CAMK1D: variants seen among roughly 807,000 people sequenced by gnomAD.
The protein encoded by CAMK1D is calcium/calmodulin-dependent protein kinase type 1D.
CAMK1D carries 9 observed loss-of-function variants against 47.7 expected under a neutral mutation model. The ratio of observed to expected loss-of-function variants is 0.19; its 90% confidence interval spans 0.11 to 0.33. The LOEUF (loss-of-function observed/expected upper bound fraction) is 0.33, where lower values mean the gene tolerates loss of function less well. CAMK1D is among the 10% of genes least tolerant of loss of function. CAMK1D has a pLI of 1.00. For missense variants in CAMK1D, 291 were observed against 488.7 expected, an observed-to-expected ratio of 0.60 and a Z score of 3.81; for synonymous variants, 184 against 184.9, an observed-to-expected ratio of 0.99 and a Z score of 0.04.
At chr10:12,739,062 C>T (rs1394617165) in intron 3 of CAMK1D, among the ~76,000 whole-genome samples, 2 of 151,740 alleles carry the variant, frequency 1.3e-5, no homozygotes, top group African/African-American at 2.4e-5. Flanking sequence ...CATGGGGAAA[C>T]CTCGTTTCTG....
intron 1 of CAMK1D, among the ~76,000 whole-genome samples, chr10:12,477,872 C>G (rs1172298966): frequency 2.0e-5 from 3 of 152,162 alleles, no homozygotes; most frequent in Non-Finnish European, 4.4e-5. Context: ...TGTTGGATCC[C>G]ATGGAATCCC....
intron 1 of CAMK1D, among the ~76,000 whole-genome samples, chr10:12,457,189 G>A (rs1043528875): frequency 5.3e-5 from 8 of 152,064 alleles, no homozygotes; most frequent in Non-Finnish European, 8.8e-5. Context: ...TTGGGAGTTC[G>A]AGACCAGCCT....
chr10:12,376,741 T>C (rs567224527), intron 1 of CAMK1D, among the ~76,000 whole-genome samples: 7 of 150,144 alleles, frequency 4.7e-5, no homozygotes, highest in African/African-American at 7.4e-5. Context: ...TTAGTAACCA[T>C]TTTTTTTCTT....
chr10:12,377,203 A>T (rs906718805), intron 1 of CAMK1D, among the ~76,000 whole-genome samples: 12 of 148,962 alleles, frequency 8.1e-5, no homozygotes, highest in African/African-American at 2.5e-4. Context: ...CAAACAAATT[A>T]AAAAAAAAAT....
At chr10:12,608,221 C>G (rs565500238) in intron 2 of CAMK1D, among the ~76,000 whole-genome samples, 1 of 152,110 alleles carries the variant, frequency 6.6e-6, no homozygotes, top group Non-Finnish European at 1.5e-5. Context: ...GAGTTTGAGA[C>G]CAGCCTGGCC....
At chr10:12,618,212 G>C (rs1838883352) in intron 2 of CAMK1D, among the ~76,000 whole-genome samples, 1 of 151,892 alleles carries the variant, frequency 6.6e-6, no homozygotes, top group Non-Finnish European at 1.5e-5. Flanking sequence ...TAATGGACTT[G>C]CTAAATCTCT....
chr10:12,511,420 G>A (rs1221882409), intron 1 of CAMK1D, among the ~76,000 whole-genome samples: 2 of 152,122 alleles, frequency 1.3e-5, no homozygotes, highest in Non-Finnish European at 2.9e-5. Flanking sequence ...GGGCAACACA[G>A]AGAGACCCTG....
chr10:12,788,195 T>C (rs1837818339), intron 5 of CAMK1D, among the ~76,000 whole-genome samples: 3 of 135,300 alleles, frequency 2.2e-5, no homozygotes, highest in African/African-American at 8.0e-5. Flanking sequence ...TTTTTATTTA[T>C]GTATTTATTT....
At chr10:12,781,342 C>T (rs1020385676) in intron 5 of CAMK1D, among the ~76,000 whole-genome samples, 1 of 152,370 alleles carries the variant, frequency 6.6e-6, no homozygotes, top group Admixed American at 6.5e-5. Context: ...CCAGAAGGGC[C>T]GCACAGCAGT....
intron 3 of CAMK1D, among the ~76,000 whole-genome samples, chr10:12,757,798 G>T (rs1284216995): frequency 6.7e-6 from 1 of 150,180 alleles, no homozygotes; most frequent in Non-Finnish European, 1.5e-5. Flanking sequence ...TAAAGAGAGA[G>T]TTCTGGTCTC....
chr10:12,487,360 A>G (rs1350919035), intron 1 of CAMK1D, among the ~76,000 whole-genome samples: 1 of 152,188 alleles, frequency 6.6e-6, no homozygotes, highest in African/African-American at 2.4e-5. Flanking sequence ...GATTATTTCA[A>G]ATGAACTACC....
chr10:12,512,906 G>A (rs903829640), intron 1 of CAMK1D, among the ~76,000 whole-genome samples: 5 of 152,316 alleles, frequency 3.3e-5, no homozygotes, highest in African/African-American at 1.2e-4. Flanking sequence ...TAGATGGACC[G>A]GAGCGAGCAT....
intron 3 of CAMK1D, among the ~76,000 whole-genome samples, chr10:12,668,875 CT>C (rs1169117003): frequency 1.3e-5 from 2 of 151,908 alleles, no homozygotes; most frequent in African/African-American, 4.8e-5. Context: ...CTTCCCTGAG[CT>C]TTTTCTGTCA....
chr10:12,553,991 C>T (rs772645017), intron 2 of CAMK1D, among the ~76,000 whole-genome samples: 4 of 152,208 alleles, frequency 2.6e-5, no homozygotes, highest in Non-Finnish European at 5.9e-5. Context: ...ACAGACATGG[C>T]GCCTGGCACC....
intron 1 of CAMK1D, among the ~76,000 whole-genome samples, chr10:12,381,208 T>G (rs1838332829): frequency 6.6e-6 from 1 of 152,198 alleles, no homozygotes; most frequent in Non-Finnish European, 1.5e-5. Context: ...CTTATAAAGT[T>G]GTAGAATGAA....
chr10:12,740,762 G>GT (rs1287881155), intron 3 of CAMK1D, among the ~76,000 whole-genome samples: 1 of 152,110 alleles, frequency 6.6e-6, no homozygotes, highest in African/African-American at 2.4e-5. Flanking sequence ...TCTCTGTTTT[G>GT]TTTTTGTTTT....
chr10:12,643,930 C>T (rs1424265471), intron 2 of CAMK1D, among the ~76,000 whole-genome samples: 5 of 151,928 alleles, frequency 3.3e-5, no homozygotes, highest in Non-Finnish European at 7.4e-5. Context: ...TTACTGTCTC[C>T]CATCACCCCC....
At chr10:12,743,369 AAAAAAG>A (rs1020462041) in intron 3 of CAMK1D, among the ~76,000 whole-genome samples, 3 of 151,448 alleles carry the variant, frequency 2.0e-5, no homozygotes, top group African/African-American at 2.4e-5. Context: ...AGAAAAAAGA[AAAAAAG>A]AAAAAGGAAA....
intron 3 of CAMK1D, among the ~76,000 whole-genome samples, chr10:12,687,174 G>A (rs1167084952): frequency 6.6e-6 from 1 of 151,720 alleles, no homozygotes; most frequent in African/African-American, 2.4e-5. Context: ...ATCAGCCTTC[G>A]TACTGAGCCC....
Sources: gnomAD v4.1 joint callset for allele counts (sites outside exome capture counted in the v4.1 genomes callset) on GRCh38, gnomAD v4.1.1 for gene constraint, MANE v1.5 for transcripts, NCBI Gene and HGNC (gene_info 2026-07-23, HGNC 2026-07-21) for gene names.